Variants in DARS1 observed in about 807,000 individuals in gnomAD.
DARS1 encodes aspartyl-tRNA synthetase 1, also known as aspartate--tRNA ligase, cytoplasmic.
A neutral mutation model predicts 68.8 loss-of-function variants in DARS1; 51 were observed. That is an observed-to-expected ratio of 0.74 (90% confidence interval 0.59 to 0.94). The LOEUF (loss-of-function observed/expected upper bound fraction) is 0.94. Among genes scored for constraint, DARS1 ranks in the 40% least tolerant of loss-of-function variants. The pLI is 0.00. For synonymous variants in DARS1, 203 were observed against 190.4 expected, an observed-to-expected ratio of 1.07 and a Z score of -0.55; for missense variants, 607 against 597.3, an observed-to-expected ratio of 1.02 and a Z score of -0.17.
In DARS1 at chr2:135,985,587, C is replaced by T. The variant is rs763707196; in HGVS notation, c.-119G>A. ...CTCCCGACCCTGGGGTCTCAGCACA[C>T]GCGCTCGGACTCCGCGTGGAGGTGC... On this transcript the variant is annotated 5_prime_UTR_variant, in exon 1 of 16. The change creates a new upstream start codon in the 5' untranslated region. Coordinates refer to ENST00000264161, the MANE Select transcript of DARS1 (RefSeq NM_001349.4). 11 of 1,553,784 alleles carry T rather than the reference C, an allele frequency of 7.1e-6. No homozygotes were observed. Among genetic ancestry groups the T allele is most frequent in the East Asian group, 4.7e-5 (2 of 42,618 alleles).
Position 135,933,923 on chromosome 2 carries a change from G to C in DARS1, c.491C>G (p.Ala164Gly). 1.2e-6 allele frequency: 2 copies of C among 1,613,110 alleles called. No homozygotes were observed. The highest frequency in any genetic ancestry group is 1.7e-6 in the Non-Finnish European group (2 of 1,179,322). Residue 164 changes from alanine (A) to glycine (G), a missense_variant, in exon 6 of 16, where the codon GCA becomes GGA. Transcript: ENST00000264161. ...LQLDDAVRPE[A>G]EGEEEGRATV... The stretch of plus-strand genomic sequence containing the variant: ...TATAATTTTTACCTCTTCTCCTTCT[G>C]CCTCAGGCCGAACAGCATCATCCAG...
At chr2:135,907,936 G>A (rs1437805211) in intron 15 of DARS1, among the ~76,000 whole-genome samples, 1 of 152,072 alleles carries the variant, frequency 6.6e-6, no homozygotes, top group Non-Finnish European at 1.5e-5. Context: ...TTTGGAAGGT[G>A]GTTAACAAGA....
At chr2:135,977,075 C>T (rs1018145396) in intron 3 of DARS1, among the ~76,000 whole-genome samples, 1 of 152,102 alleles carries the variant, frequency 6.6e-6, no homozygotes, top group African/African-American at 2.4e-5. Context: ...GAGCTGACAA[C>T]AGGAAATAAG....
At chr2:135,914,984 C>G (rs1680974973) in intron 11 of DARS1, 1 of 152,270 alleles carries the variant, frequency 6.6e-6, no homozygotes, top group Non-Finnish European at 1.5e-5. Flanking sequence ...ACTTCAGCTT[C>G]TATCTTATGT....
At chr2:135,948,019 T>C (rs185765285) in intron 4 of DARS1, among the ~76,000 whole-genome samples, 97 of 152,374 alleles carry the variant, frequency 6.4e-4, no homozygotes, top group Admixed American at 1.5e-3. Context: ...TACAAAGTTA[T>C]ATTTAGCCCA....
At position 135,906,739 on chromosome 2, in the gene DARS1, T is replaced by C. The variant is rs987904556; in HGVS notation, c.*577A>G. The C allele has an allele frequency of 1.3e-5, 2 of 152,228 alleles. No individual in the cohort carries two copies. The highest frequency in any genetic ancestry group is 2.4e-5 in the African/African-American group (1 of 41,458). The allele number at this position is 152,228 out of a possible 1,614,324, so 9.4% of individuals were successfully genotyped here. ...AGAATTTAACAAATTAATACAATAT[T>C]ACACTGAATACTTTCTAACCAGTAG... On this transcript the variant is annotated 3_prime_UTR_variant, in exon 16 of 16. Coordinates refer to ENST00000264161, the MANE Select transcript of DARS1 (RefSeq NM_001349.4).
chr2:135,947,169 G>A (rs1681742678), intron 4 of DARS1, among the ~76,000 whole-genome samples: 1 of 152,100 alleles, frequency 6.6e-6, no homozygotes, highest in Non-Finnish European at 1.5e-5. Context: ...CTTCTGGGAG[G>A]TCGGGGTGGG....
rs1682680159 is a variant in DARS1 at position 135,983,315 on chromosome 2, C to T, written c.124+82G>A. The T allele has an allele frequency of 1.6e-5, 12 of 736,998 alleles. No homozygotes were observed. The highest frequency in any genetic ancestry group is 5.4e-5 in the East Asian group (2 of 37,064). 45.7% of individuals were successfully genotyped at this position (736,998 alleles called of 1,614,324 possible). On this transcript the variant is annotated intron_variant, in intron 2 of 15. Coordinates refer to ENST00000264161, the MANE Select transcript of DARS1 (RefSeq NM_001349.4). ...CAGAATTATACCTTCAGATTTATGC[C>T]AACCTTACTTAAAATTTCATTTAGA... is the stretch of plus-strand genomic sequence containing the variant.
At chr2:135,932,427 T>C (rs927066128) in intron 7 of DARS1, among the ~76,000 whole-genome samples, 1 of 152,192 alleles carries the variant, frequency 6.6e-6, no homozygotes, top group Non-Finnish European at 1.5e-5. Flanking sequence ...TGATCTCAAA[T>C]GTGCATGTAA....
intron 4 of DARS1, among the ~76,000 whole-genome samples, chr2:135,956,671 T>A (rs559058327): frequency 5.9e-5 from 9 of 152,334 alleles, no homozygotes; most frequent in South Asian, 2.1e-4. Context: ...GGGAACTAAA[T>A]CCTTGCGTTC....
At chr2:135,952,128 C>G (rs1681850915) in intron 4 of DARS1, among the ~76,000 whole-genome samples, 1 of 152,098 alleles carries the variant, frequency 6.6e-6, no homozygotes, top group South Asian at 2.1e-4. Flanking sequence ...GTAATTTACC[C>G]AGCTACCCAG....
intron 4 of DARS1, among the ~76,000 whole-genome samples, chr2:135,950,470 G>C (rs1681817854): frequency 6.6e-6 from 1 of 152,152 alleles, no homozygotes; most frequent in African/African-American, 2.4e-5. Context: ...ATATTCTTCT[G>C]AATTATCTCA....
At chr2:135,959,227 A>G (rs2104832020) in intron 4 of DARS1, among the ~76,000 whole-genome samples, 1 of 151,854 alleles carries the variant, frequency 6.6e-6, no homozygotes, top group East Asian at 1.9e-4. Flanking sequence ...CCTCGTCTCT[A>G]CTAAAAATAC....
chr2:135,924,872 T>A (rs781435464), intron 7 of DARS1, among the ~76,000 whole-genome samples: 5 of 152,194 alleles, frequency 3.3e-5, no homozygotes, highest in Admixed American at 6.5e-5. Context: ...AGCATACTAA[T>A]GTTCTAAGTA....
chr2:135,950,956 T>C (rs1000445794), intron 4 of DARS1, among the ~76,000 whole-genome samples: 46 of 151,924 alleles, frequency 3.0e-4, no homozygotes, highest in Non-Finnish European at 6.5e-4. Flanking sequence ...GAATGGAGCA[T>C]GGGGCCACAT....
In DARS1 at chr2:135,916,024, G is replaced by GA. The variant is rs1423930410; in HGVS notation, c.1106+201dup. Among the ~76,000 whole-genome samples the GA allele has an allele frequency of 2.6e-5, 4 of 151,980 alleles. No homozygotes were observed. The East Asian group carries it at 7.7e-4, about 29-fold the overall frequency. On this transcript the variant is annotated intron_variant, in intron 11 of 15. Coordinates refer to ENST00000264161, the MANE Select transcript of DARS1 (RefSeq NM_001349.4). The stretch of plus-strand genomic sequence containing the variant: ...TTAATAAAATGTAAGTGTATCAGGT[G>GA]AAAAAAATCATTTATTAATATTTTC...
rs188562743 is a variant in DARS1 at position 135,942,421 on chromosome 2, G to A, written c.423+957C>T. Among the ~76,000 whole-genome samples, 1,251 of 147,738 alleles carry A rather than the reference G, an allele frequency of 8.5e-3. 14 individuals are homozygous for A. The highest frequency in any genetic ancestry group is 0.027 in the African/African-American group (1,087 of 40,000). On this transcript the variant is annotated intron_variant, in intron 5 of 15. Coordinates refer to ENST00000264161, the MANE Select transcript of DARS1 (RefSeq NM_001349.4). ...TCACAAGGGCAGAAAACCAAACACCGCATGTTCTCACTCATAGGTGGGAAT... is the reference window on the plus strand; with the variant it reads ...TCACAAGGGCAGAAAACCAAACACCACATGTTCTCACTCATAGGTGGGAAT...
At chr2:135,941,352 C>T (rs534718462) in intron 5 of DARS1, among the ~76,000 whole-genome samples, 1 of 152,282 alleles carries the variant, frequency 6.6e-6, no homozygotes, top group South Asian at 2.1e-4. Flanking sequence ...AGAAATAACA[C>T]CGCATATCTA....
chr2:135,927,326 C>T (rs933642811), intron 7 of DARS1, among the ~76,000 whole-genome samples: 1 of 152,026 alleles, frequency 6.6e-6, no homozygotes, highest in Non-Finnish European at 1.5e-5. Flanking sequence ...ATGAATGCAA[C>T]ATATGTTAAT....
Sources: gnomAD v4.1 joint callset for allele counts (sites outside exome capture counted in the v4.1 genomes callset) on GRCh38, gnomAD v4.1.1 for gene constraint, MANE v1.5 for transcripts, NCBI Gene and HGNC (gene_info 2026-07-23, HGNC 2026-07-21) for gene names.